The following CTNND2 variants were observed in gnomAD, a reference collection of about 807,000 sequenced individuals.
CTNND2 encodes the protein catenin delta 2.
CTNND2 carries 22 observed loss-of-function variants against 144.4 expected under a neutral mutation model. The observed-to-expected ratio is 0.15, with a 90% confidence interval of 0.11 to 0.22. The LOEUF is 0.22. Among genes scored for constraint, CTNND2 ranks in the 10% least tolerant of loss-of-function variants. The probability of loss-of-function intolerance (pLI) is 1.00; values close to 1 mark genes in which losing one functional copy is unlikely to be tolerated. For synonymous variants in CTNND2, 751 were observed against 695.6 expected (o/e 1.08, Z -1.25); for missense variants, 1,353 against 1,618.8 (o/e 0.84, Z 2.82).
At chr5:11,779,458 T>TG (rs1581870973) in intron 1 of CTNND2, among the ~76,000 whole-genome samples, 1 of 152,072 alleles carries the variant, frequency 6.6e-6, no homozygotes, top group East Asian at 1.9e-4. Flanking sequence ...ATCGACCTAG[T>TG]GGGGGAAGAA....
At position 11,870,973 on chromosome 5, in the gene CTNND2, A is replaced by G. The variant is rs556246368; in HGVS notation, c.37+32844T>C. Among the ~76,000 whole-genome samples the G allele has an allele frequency of 1.4e-4, 21 of 152,288 alleles. 1 individual carries two copies. Among genetic ancestry groups the G allele is most frequent in the Non-Finnish European group, 2.5e-4 (17 of 68,032 alleles). ...TGTTGAAATCCTAATTCCCAGTGTAATGGTATTTGGAGACAGGGGTCTTTG... is the reference window on the plus strand; with the variant it reads ...TGTTGAAATCCTAATTCCCAGTGTAGTGGTATTTGGAGACAGGGGTCTTTG... On this transcript the variant is annotated intron_variant, in intron 1 of 21. Coordinates refer to ENST00000304623, the MANE Select transcript of CTNND2 (RefSeq NM_001332.4).
At chr5:11,170,120 C>T (rs1192383710) in intron 11 of CTNND2, among the ~76,000 whole-genome samples, 2 of 152,198 alleles carry the variant, frequency 1.3e-5, no homozygotes, top group Non-Finnish European at 2.9e-5. Context: ...CTGTCAAAGT[C>T]ATTCAACTTT....
intron 1 of CTNND2, among the ~76,000 whole-genome samples, chr5:11,824,744 C>A (rs537206673): frequency 2.0e-5 from 3 of 152,250 alleles, no homozygotes; most frequent in African/African-American, 7.2e-5. Context: ...ATGTCTAACA[C>A]TGAATCATAA....
At chr5:11,416,101 C>T (rs1476572721) in intron 3 of CTNND2, among the ~76,000 whole-genome samples, 2 of 152,154 alleles carry the variant, frequency 1.3e-5, no homozygotes, top group African/African-American at 2.4e-5. Context: ...TCTTGCTCTT[C>T]GATTTCTGCA....
chr5:11,511,354 T>A (rs1771627405), intron 3 of CTNND2, among the ~76,000 whole-genome samples: 1 of 152,108 alleles, frequency 6.6e-6, no homozygotes, highest in Non-Finnish European at 1.5e-5. Context: ...TGATCCAGAG[T>A]CCTGGCTCTG....
At chr5:11,886,820 C>T (rs777810151) in intron 1 of CTNND2, among the ~76,000 whole-genome samples, 5 of 152,006 alleles carry the variant, frequency 3.3e-5, no homozygotes, top group Non-Finnish European at 5.9e-5. Context: ...CATTCCCACT[C>T]ATTTGTTAAA....
intron 1 of CTNND2, among the ~76,000 whole-genome samples, chr5:11,755,641 C>CTTTTTTTTTTTTTTTTTCTTTTTTTTTT (rs377766540): frequency 7.1e-6 from 1 of 140,208 alleles, no homozygotes; most frequent in East Asian, 2.1e-4. Context: ...GTTCATTCTT[C>CTTTTTTTTTTTTTTTTTCTTTTTTTTTT]TTTTTTTTTT....
intron 3 of CTNND2, among the ~76,000 whole-genome samples, chr5:11,540,667 G>A (rs372280511): frequency 5.3e-5 from 8 of 152,200 alleles, no homozygotes; most frequent in African/African-American, 1.9e-4. Context: ...GCATCACCAC[G>A]CCCAGCTAAT....
chr5:11,844,347 T>C (rs943280365), intron 1 of CTNND2, among the ~76,000 whole-genome samples: 5 of 151,230 alleles, frequency 3.3e-5, no homozygotes, highest in African/African-American at 1.2e-4. Flanking sequence ...CTTGAAGGGA[T>C]GGATAGACTG....
intron 8 of CTNND2, among the ~76,000 whole-genome samples, chr5:11,360,566 C>T (rs140876320): frequency 5.5e-4 from 83 of 152,268 alleles, no homozygotes; most frequent in African/African-American, 1.9e-3. Flanking sequence ...CATACCTTCC[C>T]TTGGTGTGAT....
intron 3 of CTNND2, among the ~76,000 whole-genome samples, chr5:11,444,188 G>A (rs1764590509): frequency 6.6e-6 from 1 of 152,118 alleles, no homozygotes; most frequent in Non-Finnish European, 1.5e-5. Flanking sequence ...AGTGATACAG[G>A]TACTAAATAA....
chr5:11,494,402 G>A (rs191415995), intron 3 of CTNND2, among the ~76,000 whole-genome samples: 1 of 152,118 alleles, frequency 6.6e-6, no homozygotes, highest in Admixed American at 6.5e-5. Flanking sequence ...AAAAAAGAGA[G>A]TGATTTCTCA....
At chr5:11,405,817 A>G (rs1761047658) in intron 5 of CTNND2, among the ~76,000 whole-genome samples, 1 of 152,184 alleles carries the variant, frequency 6.6e-6, no homozygotes, top group Admixed American at 6.5e-5. Context: ...GAATGGTAGC[A>G]TCAGCCAACT....
rs374435072 is a variant in CTNND2 at position 11,269,089 on chromosome 5, C to T, written c.1629-32266G>A. Among the ~76,000 whole-genome samples, 46 of 152,334 alleles carry T rather than the reference C, an allele frequency of 3.0e-4. No homozygotes were observed. In the East Asian group the frequency reaches 6.4e-3, roughly 21 times the overall value. ...GCTACCTGCCTTGGCTTGAGTCCAG[C>T]TTCTCTGCTTACTGACTGTGAGACT... On this transcript the variant is annotated intron_variant, in intron 9 of 21. Coordinates refer to ENST00000304623, the MANE Select transcript of CTNND2 (RefSeq NM_001332.4).
intron 2 of CTNND2, among the ~76,000 whole-genome samples, chr5:11,698,445 C>T (rs376316762): frequency 1.5e-3 from 228 of 152,016 alleles, no homozygotes; most frequent in African/African-American, 5.0e-3. Context: ...TGCGCCACCA[C>T]GTCCAGCTAA....
intron 9 of CTNND2, among the ~76,000 whole-genome samples, chr5:11,290,429 T>C (rs1377226819): frequency 6.6e-6 from 1 of 152,186 alleles, no homozygotes; most frequent in Non-Finnish European, 1.5e-5. Context: ...TGTACCCACT[T>C]TCAGTTCCAA....
intron 12 of CTNND2, among the ~76,000 whole-genome samples, chr5:11,159,113 A>G (rs1380962796): frequency 1.3e-5 from 2 of 152,246 alleles, no homozygotes; most frequent in Non-Finnish European, 2.9e-5. Context: ...GAATTATAGA[A>G]TCTTACAGTC....
intron 2 of CTNND2, among the ~76,000 whole-genome samples, chr5:11,620,242 G>C (rs1321023916): frequency 6.6e-6 from 1 of 152,064 alleles, no homozygotes. Flanking sequence ...GCCAGTGCTT[G>C]TGTACCCCTA....
chr5:11,076,403 G>A (rs1238939860), intron 16 of CTNND2, among the ~76,000 whole-genome samples: 3 of 152,206 alleles, frequency 2.0e-5, no homozygotes, highest in Non-Finnish European at 2.9e-5. Flanking sequence ...TCCATGTGCC[G>A]AAATGGGTGG....
Sources: allele counts gnomAD v4.1 joint callset (sites outside exome capture counted in the v4.1 genomes callset), GRCh38; gene constraint gnomAD v4.1.1; transcripts MANE v1.5; gene names NCBI Gene and HGNC (gene_info 2026-07-23, HGNC 2026-07-21).